The following CIROZ variants were observed in gnomAD, a reference collection of about 807,000 sequenced individuals.
CIROZ encodes ciliated left-right organizer ZP-N domains-containing protein.
chr1:10,953,862 G>A, the CIROZ span, among the ~76,000 whole-genome samples: 2 of 152,180 alleles, frequency 1.3e-5, no homozygotes, highest in African/African-American at 2.4e-5. Context: ...GTTCCAGCCA[G>A]TATGTCTGAC....
the CIROZ span, among the ~76,000 whole-genome samples, chr1:10,965,184 T>TGACGGGGCTGTCAGAGAAGGGC: frequency 6.7e-6 from 1 of 149,136 alleles, no homozygotes; most frequent in African/African-American, 2.5e-5. Context: ...CTGAGAAGGG[T>TGACGGGGCTGTCAGAGAAGGGC]GACGGGGCTG....
chr1:10,969,826 G>T, the CIROZ span: 1 of 1,262,416 alleles, frequency 7.9e-7, no homozygotes, highest in Non-Finnish European at 1.0e-6. Flanking sequence ...GCCTGGAAGG[G>T]CTGTGGGGGG....
the CIROZ span, chr1:10,954,874 C>T: frequency 2.0e-5 from 23 of 1,151,322 alleles, no homozygotes; most frequent in Admixed American, 2.6e-5. Flanking sequence ...ATTACAGGCA[C>T]GAGCCACTGT....
At chr1:10,978,101 G>A in the CIROZ span, among the ~76,000 whole-genome samples, 1,707 of 151,110 alleles carry the variant, frequency 0.011, 44 homozygotes, top group African/African-American at 0.039. Flanking sequence ...CCCGAGAGGC[G>A]GAAGTCGCAG....
the CIROZ span, chr1:10,964,186 G>A: frequency 5.0e-6 from 8 of 1,613,920 alleles, no homozygotes; most frequent in African/African-American, 2.7e-5. Context: ...CCTTAGCATC[G>A]GACACTTCAT....
At chr1:10,961,170 C>T in the CIROZ span, among the ~76,000 whole-genome samples, 1 of 152,222 alleles carries the variant, frequency 6.6e-6, no homozygotes, top group East Asian at 1.9e-4. Flanking sequence ...CGTGTGAGGA[C>T]AGCAACACCG....
the CIROZ span, chr1:10,969,862 G>A: frequency 9.3e-6 from 13 of 1,403,970 alleles, no homozygotes; most frequent in South Asian, 1.6e-5. Flanking sequence ...AGAGATTTGA[G>A]TGATGCCCAG....
the CIROZ span, chr1:10,954,176 C>T: frequency 6.3e-7 from 1 of 1,599,024 alleles, no homozygotes; most frequent in Non-Finnish European, 8.5e-7. Context: ...TGCACATTGG[C>T]TGGGCGCAGT....
the CIROZ span, chr1:10,954,070 C>T: frequency 4.8e-5 from 77 of 1,613,812 alleles, no homozygotes; most frequent in Admixed American, 5.8e-4. Context: ...GCAGCCATCT[C>T]GGCAAATTCC....
At chr1:10,965,654 G>A in the CIROZ span, among the ~76,000 whole-genome samples, 1 of 151,864 alleles carries the variant, frequency 6.6e-6, no homozygotes, top group Non-Finnish European at 1.5e-5. Context: ...GAGGTCAGAA[G>A]CTCAAGACCA....
the CIROZ span, among the ~76,000 whole-genome samples, chr1:10,956,715 A>G: frequency 0.43 from 65,274 of 151,618 alleles, 17,382 homozygotes; most frequent in African/African-American, 0.74. Context: ...CTGACCTCGT[A>G]ATCCACCCGC....
At chr1:10,970,764 C>G in the CIROZ span, among the ~76,000 whole-genome samples, 1 of 151,982 alleles carries the variant, frequency 6.6e-6, no homozygotes, top group Non-Finnish European at 1.5e-5. Context: ...AGGGACAACA[C>G]TTTGAGTAGC....
chr1:10,980,654 G>T, the CIROZ span, among the ~76,000 whole-genome samples: 3 of 152,226 alleles, frequency 2.0e-5, no homozygotes, highest in Non-Finnish European at 4.4e-5. Flanking sequence ...CACAGGGAAT[G>T]CTGTCTGGAA....
At chr1:10,957,675 TG>T in the CIROZ span, 1 of 1,614,072 alleles carries the variant, frequency 6.2e-7, no homozygotes, top group Non-Finnish European at 8.5e-7. Flanking sequence ...GTGGCATTCA[TG>T]TCCACATACA....
the CIROZ span, among the ~76,000 whole-genome samples, chr1:10,972,628 T>C: frequency 6.6e-6 from 1 of 152,232 alleles, no homozygotes; most frequent in Admixed American, 6.5e-5. Context: ...CTATGTGACC[T>C]GGGGCGAGTC....
the CIROZ span, among the ~76,000 whole-genome samples, chr1:10,959,510 T>C: frequency 1.3e-5 from 2 of 152,156 alleles, no homozygotes; most frequent in South Asian, 2.1e-4. This position sits in a 1 kb window ranked among gnomAD's most constrained non-coding sequence, Gnocchi z 4.3. Context: ...AAATGCCCCT[T>C]TGCCTTTGCG....
chr1:10,980,453 GC>G, the CIROZ span, among the ~76,000 whole-genome samples: 1 of 152,280 alleles, frequency 6.6e-6, no homozygotes, highest in Non-Finnish European at 1.5e-5. Context: ...TCTCCCAGCA[GC>G]GGGGAGGCGC....
chr1:10,954,068 C>T, the CIROZ span: 9 of 1,613,850 alleles, frequency 5.6e-6, no homozygotes, highest in East Asian at 1.8e-4. Context: ...GGGCAGCCAT[C>T]TCGGCAAATT....
the CIROZ span, chr1:10,964,334 A>G: frequency 6.6e-7 from 1 of 1,521,302 alleles, no homozygotes; most frequent in Non-Finnish European, 8.9e-7. Context: ...ATAGCCTGCA[A>G]TTATAGGTCA....
Sources: gnomAD v4.1 joint callset for allele counts (sites outside exome capture counted in the v4.1 genomes callset) on GRCh38, gnomAD v4.1.1 for gene constraint, Gnocchi (gnomAD v3.1) non-coding constraint, MANE v1.5 for transcripts, NCBI Gene and HGNC (gene_info 2026-07-23, HGNC 2026-07-21) for gene names.